NBAS: variants seen among roughly 807,000 people sequenced by gnomAD.
NBAS encodes the protein NAG/BC035112 fusion.
NBAS carries 219 observed loss-of-function variants against 302.5 expected under a neutral mutation model. The observed-to-expected ratio is 0.72, with a 90% CI of 0.65 to 0.81. The LOEUF (loss-of-function observed/expected upper bound fraction) is 0.81. Ranked by LOEUF, NBAS falls within the 30% of genes least tolerant of loss-of-function variation. NBAS has a pLI of 0.00. For synonymous variants in NBAS, 1,118 were observed against 1,021.6 expected, an observed-to-expected ratio of 1.09 and a Z score of -1.80; for missense variants, 2,932 against 2,841.6, an observed-to-expected ratio of 1.03 and a Z score of -0.72.
intron 4 of NBAS, 79 bp from the exon 5 acceptor site, chr2:15,553,552 A>G: frequency 7.8e-7 from 1 of 1,275,272 alleles, no homozygotes; most frequent in Middle Eastern, 2.0e-4. Context: ...GGAATTATTT[A>G]ATAAGTTAAA....
chr2:15,340,668 G>C (rs1275173420), intron 35 of NBAS, among the ~76,000 whole-genome samples: 2 of 152,128 alleles, frequency 1.3e-5, no homozygotes, highest in African/African-American at 4.8e-5. Context: ...TAAGGAATGA[G>C]TGTAGACAGA....
chr2:14,953,151 T>C, the NBAS span, among the ~76,000 whole-genome samples: 1 of 152,114 alleles, frequency 6.6e-6, no homozygotes, highest in East Asian at 1.9e-4. Flanking sequence ...AGCTGTGAGA[T>C]GGAGCTGGAG....
chr2:15,341,762 C>T (rs991635763), intron 35 of NBAS, among the ~76,000 whole-genome samples: 1 of 152,104 alleles, frequency 6.6e-6, no homozygotes, highest in Non-Finnish European at 1.5e-5. Context: ...TAATCAATAT[C>T]ATGATTCACA....
At chr2:15,151,459 T>C in the NBAS span, among the ~76,000 whole-genome samples, 2 of 152,220 alleles carry the variant, frequency 1.3e-5, no homozygotes, top group Non-Finnish European at 2.9e-5. Context: ...ACAGCTACAA[T>C]AGCTAACTCA....
the NBAS span, among the ~76,000 whole-genome samples, chr2:15,046,767 G>T: frequency 6.6e-6 from 1 of 152,156 alleles, no homozygotes; most frequent in East Asian, 1.9e-4. Context: ...CCTGGTGAAT[G>T]GGCATGAATT....
chr2:15,461,656 A>G lies in NBAS; in HGVS notation c.2202+31T>C, dbSNP rs753924092. The stretch of plus-strand genomic sequence containing the variant: ...AAAGATTTAGAGAGTGTTAATAACC[A>G]TAATTATTTTATTTACAAAAAGCAA... On this transcript the variant is annotated intron_variant, in intron 20 of 51. Transcript: ENST00000281513. The G allele has an allele frequency of 4.0e-6, 5 of 1,259,012 alleles. No individual in the cohort carries two copies. The Admixed American group carries it at 8.6e-5, about 22-fold the overall frequency. The allele number at this position is 1,259,012 out of a possible 1,614,324, so 78.0% of individuals were successfully genotyped here.
In NBAS at chr2:15,287,121, C is replaced by A. The variant is rs145318018; in HGVS notation, c.5090G>T (p.Arg1697Leu). ...CAAATGGGTCATAAAAACTTCCCAGCGGGAGACACTGTAACGTTGTGCCAG... is the reference window on the plus strand; with the variant it reads ...CAAATGGGTCATAAAAACTTCCCAGAGGGAGACACTGTAACGTTGTGCCAG... ...ISLAQRYSVS[R>L]WEVFMTHLEF... Residue 1697 changes from arginine (R) to leucine (L), a missense_variant, in exon 42 of 52, where the codon CGC (arginine) becomes CTC (leucine). Transcript: ENST00000281513. 4.2e-4 allele frequency: 671 copies of A among 1,613,962 alleles called. 2 individuals are homozygous for A. In the African/African-American group the frequency reaches 7.8e-3, roughly 19 times the overall value.
chr2:15,532,264 C>T (rs957947069), intron 9 of NBAS, among the ~76,000 whole-genome samples: 16 of 151,838 alleles, frequency 1.1e-4, no homozygotes, highest in Non-Finnish European at 1.9e-4. Flanking sequence ...CCGAGGTGGG[C>T]GGATCACGAG....
chr2:15,089,101 C>T, the NBAS span, among the ~76,000 whole-genome samples: 1 of 152,140 alleles, frequency 6.6e-6, no homozygotes, highest in Non-Finnish European at 1.5e-5. Flanking sequence ...AAGCCTTGGT[C>T]TCCCAATGAC....
At chr2:15,424,209 T>C in intron 23 of NBAS, 106 bp downstream of exon 23, 1 of 1,263,026 alleles carries the variant, frequency 7.9e-7, no homozygotes, top group Non-Finnish European at 1.2e-6. Flanking sequence ...TGCAATTATA[T>C]ACATGATTCC....
chr2:14,840,220 T>C, the NBAS span, among the ~76,000 whole-genome samples: 1 of 151,722 alleles, frequency 6.6e-6, no homozygotes, highest in Admixed American at 6.6e-5. Flanking sequence ...GATACACTAT[T>C]TACAAACACA....
At chr2:15,283,145 A>C (rs1421582952) in intron 42 of NBAS, among the ~76,000 whole-genome samples, 3 of 152,194 alleles carry the variant, frequency 2.0e-5, no homozygotes, top group Admixed American at 2.0e-4. Context: ...ATACAAAGAT[A>C]CTAAGTAATA....
At chr2:14,828,912 A>T in the NBAS span, among the ~76,000 whole-genome samples, 1 of 152,190 alleles carries the variant, frequency 6.6e-6, no homozygotes, top group East Asian at 1.9e-4. Flanking sequence ...TAAAAATATA[A>T]CAAAACATTA....
At chr2:15,014,886 C>T in the NBAS span, among the ~76,000 whole-genome samples, 35 of 151,550 alleles carry the variant, frequency 2.3e-4, no homozygotes, top group African/African-American at 7.7e-4. Context: ...ATTGACAATA[C>T]ATTAGCTAGA....
chr2:15,162,639 C>T (rs994175994), downstream of NBAS, among the ~76,000 whole-genome samples: 1 of 152,190 alleles, frequency 6.6e-6, no homozygotes, highest in Non-Finnish European at 1.5e-5. Context: ...TTCATTAGAA[C>T]AAAAGGAAAC....
chr2:15,469,788 G>A (rs1039789819), intron 16 of NBAS, among the ~76,000 whole-genome samples: 5 of 134,436 alleles, frequency 3.7e-5, no homozygotes, highest in Non-Finnish European at 7.7e-5. Context: ...ATTGAACAAT[G>A]AGAACACATG....
At chr2:14,959,616 G>A in the NBAS span, among the ~76,000 whole-genome samples, 1 of 152,160 alleles carries the variant, frequency 6.6e-6, no homozygotes, top group African/African-American at 2.4e-5. Flanking sequence ...ACCACTTGCT[G>A]TGACAATTCT....
the NBAS span, among the ~76,000 whole-genome samples, chr2:15,135,725 C>T: frequency 1.3e-5 from 2 of 152,158 alleles, no homozygotes; most frequent in Admixed American, 1.3e-4. Flanking sequence ...TAACTCCCCC[C>T]TCCCACCACT....
intron 32 of NBAS, among the ~76,000 whole-genome samples, chr2:15,360,648 C>CAT (rs1673866292): frequency 1.2e-5 from 1 of 81,350 alleles, no homozygotes; most frequent in Non-Finnish European, 2.9e-5. Flanking sequence ...CCATGACCAG[C>CAT]CTTTTTTTTT....
Sources: allele counts gnomAD v4.1 joint callset (sites outside exome capture counted in the v4.1 genomes callset), GRCh38; gene constraint gnomAD v4.1.1; transcripts MANE v1.5; gene names NCBI Gene and HGNC (gene_info 2026-07-23, HGNC 2026-07-21).